The following RBKS variants were observed in gnomAD, a reference collection of about 807,000 sequenced individuals.
RBKS encodes ribokinase.
RBKS carries 33 observed loss-of-function variants against 33.9 expected under a neutral mutation model. The ratio of observed to expected loss-of-function variants is 0.97; its 90% CI spans 0.74 to 1.30. The LOEUF (loss-of-function observed/expected upper bound fraction) is 1.30. RBKS is among the 50% of genes most tolerant of loss of function. The pLI is 0.00. For synonymous variants in RBKS, 125 were observed against 143.0 expected (o/e 0.87, Z 0.90); for missense variants, 361 against 392.6 (o/e 0.92, Z 0.68).
At chr2:27,852,474 T>C (rs1663769955) in intron 2 of RBKS, among the ~76,000 whole-genome samples, 1 of 152,192 alleles carries the variant, frequency 6.6e-6, no homozygotes, top group Non-Finnish European at 1.5e-5. Context: ...GGGATCTTTC[T>C]GCATTGAAGA....
At chr2:27,878,479 C>T (rs1484731299) in intron 1 of RBKS, among the ~76,000 whole-genome samples, 21 of 152,088 alleles carry the variant, frequency 1.4e-4, no homozygotes, top group South Asian at 6.2e-4. Context: ...TGAATAGTAC[C>T]GCAATAAACA....
At chr2:27,847,198 C>A in intron 3 of RBKS, 94 bp from the exon 4 acceptor site, 2 of 711,290 alleles carry the variant, frequency 2.8e-6, no homozygotes, top group Non-Finnish European at 2.5e-6. Context: ...CCTTGGAAAA[C>A]CTTTTTAACC....
In RBKS at chr2:27,791,613, T is replaced by TACACACACACAC. The variant is rs59707075; in HGVS notation, c.796-9837_796-9826dup. Among the ~76,000 whole-genome samples the TACACACACACAC allele has an allele frequency of 7.9e-4, 111 of 141,038 alleles. 1 individual carries two copies. The highest frequency in any genetic ancestry group is 3.0e-3 in the African/African-American group (109 of 35,782). 92.5% of individuals were successfully genotyped at this position (141,038 alleles called of 152,430 possible). A position where few individuals can be genotyped will look rare whatever the true frequency, so the allele number is the denominator to read the frequency against. On this transcript the variant is annotated intron_variant, in intron 7 of 7. Coordinates refer to ENST00000302188, the MANE Select transcript of RBKS (RefSeq NM_022128.3). ...CATGTGTCAATTCCCATAATAAATC[T>TACACACACACAC]ACACACACACACACACACACACACA...
intron 7 of RBKS, among the ~76,000 whole-genome samples, chr2:27,818,758 G>A (rs1678145027): frequency 6.6e-6 from 1 of 152,186 alleles, no homozygotes; most frequent in African/African-American, 2.4e-5. Flanking sequence ...AATGAACCAA[G>A]GAATTTCAGA....
At chr2:27,853,352 T>TGA (rs1663789251) in intron 2 of RBKS, among the ~76,000 whole-genome samples, 1 of 105,002 alleles carries the variant, frequency 9.5e-6, no homozygotes, top group African/African-American at 4.1e-5. Flanking sequence ...AACCTGTCTC[T>TGA]GAAAAAAAAA....
At position 27,810,111 on chromosome 2, in the gene RBKS, G is replaced by C. The variant is rs1274754770; in HGVS notation, c.795+17456C>G. ...ATCTAACTGCATTGAAAGCTGGTGTGGATGATTCACAACCAACTGTGTATG... is the reference window on the plus strand; with the variant it reads ...ATCTAACTGCATTGAAAGCTGGTGTCGATGATTCACAACCAACTGTGTATG... On this transcript the variant is annotated intron_variant, in intron 7 of 7. Coordinates refer to ENST00000302188, the MANE Select transcript of RBKS (RefSeq NM_022128.3). This position sits in a 1 kb window ranked among gnomAD's most constrained non-coding sequence, Gnocchi z 4.4. The C allele has an allele frequency of 7.7e-7, 1 of 1,300,024 alleles. No individual in the cohort carries two copies. Among genetic ancestry groups the C allele is most frequent in the Non-Finnish European group, 1.0e-6 (1 of 987,306 alleles). The allele number at this position is 1,300,024 out of a possible 1,614,324, so 80.5% of individuals were successfully genotyped here. A position where few individuals can be genotyped will look rare whatever the true frequency, so the allele number is the denominator to read the frequency against.
At chr2:27,889,884 C>G (rs1249318935) in intron 1 of RBKS, 1 of 210,188 alleles carries the variant, frequency 4.8e-6, no homozygotes, top group Non-Finnish European at 9.5e-6. Context: ...GTGAGGTAGG[C>G]ACATTCTCGG....
intron 1 of RBKS, among the ~76,000 whole-genome samples, chr2:27,873,044 T>A (rs59526907): frequency 1.3e-5 from 2 of 152,048 alleles, no homozygotes; most frequent in African/African-American, 4.8e-5. Context: ...GCCAGGGTAA[T>A]GATGGAGCAC....
chr2:27,871,148 A>G (rs139876389), intron 1 of RBKS, among the ~76,000 whole-genome samples: 25 of 152,328 alleles, frequency 1.6e-4, no homozygotes, highest in African/African-American at 5.8e-4. Context: ...CACCAACAGT[A>G]AAGGACTTCT....
chr2:27,871,106 A>C (rs184134071), intron 1 of RBKS, among the ~76,000 whole-genome samples: 1 of 152,178 alleles, frequency 6.6e-6, no homozygotes, highest in Non-Finnish European at 1.5e-5. Context: ...GTTCAAGACA[A>C]ATGTCCTTAG....
At chr2:27,848,332 T>G (rs897458160) in intron 2 of RBKS, among the ~76,000 whole-genome samples, 3 of 152,240 alleles carry the variant, frequency 2.0e-5, no homozygotes, top group Non-Finnish European at 4.4e-5. Context: ...CATCACTCAT[T>G]AAGTCATTCT....
At chr2:27,799,384 G>A (rs182891577) in intron 7 of RBKS, among the ~76,000 whole-genome samples, 1 of 152,276 alleles carries the variant, frequency 6.6e-6, no homozygotes, top group East Asian at 1.9e-4. Context: ...CCAAACTGCC[G>A]AGGGACCCTA....
At chr2:27,887,830 T>C (rs968341269) in intron 1 of RBKS, among the ~76,000 whole-genome samples, 4 of 152,146 alleles carry the variant, frequency 2.6e-5, no homozygotes, top group African/African-American at 9.7e-5. Context: ...AAGGAAAGAA[T>C]ATGGCCAAGA....
intron 7 of RBKS, among the ~76,000 whole-genome samples, chr2:27,792,483 A>G (rs1309151471): frequency 6.6e-6 from 1 of 152,194 alleles, no homozygotes; most frequent in East Asian, 1.9e-4. Flanking sequence ...TTCTGACCAA[A>G]AGCATTTCTA....
chr2:27,830,827 A>G (rs1054409057), intron 6 of RBKS, among the ~76,000 whole-genome samples: 1 of 152,210 alleles, frequency 6.6e-6, no homozygotes, highest in African/African-American at 2.4e-5. Flanking sequence ...GCTTAAATCA[A>G]TAGAATGAGT....
At chr2:27,787,724 A>G (rs1196476949) in intron 7 of RBKS, among the ~76,000 whole-genome samples, 2 of 152,252 alleles carry the variant, frequency 1.3e-5, no homozygotes, top group Non-Finnish European at 1.5e-5. Context: ...AGAAAATAGC[A>G]GAGCCAAGGA....
intron 7 of RBKS, among the ~76,000 whole-genome samples, chr2:27,806,709 A>C (rs1035238593): frequency 6.6e-6 from 1 of 152,166 alleles, no homozygotes; most frequent in Non-Finnish European, 1.5e-5. Context: ...GTACCTTCAA[A>C]ATCTGTAGCA....
chr2:27,887,947 C>G (rs546425372), intron 1 of RBKS, among the ~76,000 whole-genome samples: 1 of 152,044 alleles, frequency 6.6e-6, no homozygotes, highest in Non-Finnish European at 1.5e-5. Context: ...AAAACCCTGA[C>G]GGATGCTAAA....
chr2:27,807,817 T>TGG (rs574151761), intron 7 of RBKS, among the ~76,000 whole-genome samples: 3 of 151,870 alleles, frequency 2.0e-5, no homozygotes, highest in Non-Finnish European at 4.4e-5. Context: ...TAGTATTTTG[T>TGG]GGGGGGGAAT....
Sources: gnomAD v4.1 joint callset for allele counts (sites outside exome capture counted in the v4.1 genomes callset) on GRCh38, gnomAD v4.1.1 for gene constraint, Gnocchi (gnomAD v3.1) non-coding constraint, MANE v1.5 for transcripts, NCBI Gene and HGNC (gene_info 2026-07-23, HGNC 2026-07-21) for gene names.